Variants in AFF3 observed in about 807,000 individuals in gnomAD.
The protein encoded by AFF3 is AF4/FMR2 family member 3.
A neutral mutation model predicts 129.7 loss-of-function variants in AFF3; 32 were observed. The observed-to-expected ratio is 0.25, with a 90% CI of 0.19 to 0.33. The LOEUF is 0.33. Ranked by LOEUF, AFF3 falls within the 10% of genes least tolerant of loss-of-function variation. The probability of loss-of-function intolerance (pLI) is 1.00; values close to 1 mark genes in which losing one functional copy is unlikely to be tolerated. For synonymous variants in AFF3, 644 were observed against 635.4 expected, an observed-to-expected ratio of 1.01 and a Z score of -0.20; for missense variants, 1,373 against 1,592.0, an observed-to-expected ratio of 0.86 and a Z score of 2.34.
intron 9 of AFF3, among the ~76,000 whole-genome samples, chr2:99,745,295 C>T (rs1681063684): frequency 1.3e-5 from 2 of 152,122 alleles, no homozygotes; most frequent in African/African-American, 2.4e-5. Context: ...TTATGATTTG[C>T]AGTATTTCCT....
intron 7 of AFF3, among the ~76,000 whole-genome samples, chr2:99,904,230 T>G (rs145130539): frequency 8.7e-4 from 132 of 152,238 alleles, no homozygotes; most frequent in African/African-American, 3.0e-3. Context: ...GTCTCCTCTG[T>G]GCCCAATACA....
At chr2:99,626,044 G>A (rs1682507527) in intron 13 of AFF3, among the ~76,000 whole-genome samples, 1 of 152,224 alleles carries the variant, frequency 6.6e-6, no homozygotes, top group South Asian at 2.1e-4. Context: ...TTACTGAAGG[G>A]TCTTCAGTTC....
chr2:99,828,144 G>T (rs1373609923), intron 8 of AFF3, among the ~76,000 whole-genome samples: 5 of 152,052 alleles, frequency 3.3e-5, no homozygotes, highest in African/African-American at 1.2e-4. Context: ...GTATCTCTGT[G>T]GTATTAGAAT....
At chr2:99,654,809 A>C (rs1685601352) in intron 12 of AFF3, among the ~76,000 whole-genome samples, 1 of 152,162 alleles carries the variant, frequency 6.6e-6, no homozygotes, top group South Asian at 2.1e-4. Flanking sequence ...AAGAGATGAC[A>C]TATTTTCTCT....
chr2:99,963,610 ATAGATGTAC>A (rs1306461388), intron 7 of AFF3, among the ~76,000 whole-genome samples: 2 of 151,850 alleles, frequency 1.3e-5, no homozygotes, highest in Non-Finnish European at 1.5e-5. Context: ...AAGTATACAA[ATAGATGTAC>A]TAAAAAACAA....
intron 19 of AFF3, 73 bp from the exon 20 acceptor site, chr2:99,565,696 A>G (rs1675895421): frequency 6.5e-7 from 1 of 1,530,564 alleles, no homozygotes. Context: ...TGTAGTTTAT[A>G]CACCTTATTT....
At chr2:99,820,101 C>T (rs1399158871) in intron 8 of AFF3, among the ~76,000 whole-genome samples, 1 of 152,178 alleles carries the variant, frequency 6.6e-6, no homozygotes, top group East Asian at 1.9e-4. Flanking sequence ...AAGGCACAGT[C>T]ATGCATCGCT....
intron 4 of AFF3, among the ~76,000 whole-genome samples, chr2:100,063,070 G>A (rs1434936798): frequency 6.6e-6 from 1 of 152,088 alleles, no homozygotes; most frequent in Non-Finnish European, 1.5e-5. Flanking sequence ...GGCCAACATG[G>A]TGAAACCCCG....
At chr2:99,671,108 C>T (rs1687106649) in intron 12 of AFF3, among the ~76,000 whole-genome samples, 1 of 152,002 alleles carries the variant, frequency 6.6e-6, no homozygotes, top group African/African-American at 2.4e-5. Context: ...GTCTGTGAAC[C>T]CTTTTTCTAA....
At position 100,040,886 on chromosome 2, in the gene AFF3, T is replaced by A. The variant is rs144756519; in HGVS notation, c.54-31954A>T. 4.1e-4 allele frequency among the ~76,000 whole-genome samples: 63 copies of A among 152,330 alleles called. 3 individuals are homozygous for A. The East Asian group carries it at 0.011, about 26-fold the overall frequency. ...CCCTCCAAGGAGGCCACAGGGCATA[T>A]CATCCAGGTGGGTCAGGTGGCACTG... On this transcript the variant is annotated intron_variant, in intron 4 of 24. Coordinates refer to ENST00000672756, the MANE Select transcript of AFF3 (RefSeq NM_001386135.1).
intron 13 of AFF3, among the ~76,000 whole-genome samples, chr2:99,615,772 T>G (rs1043328754): frequency 1.3e-5 from 2 of 152,124 alleles, no homozygotes; most frequent in African/African-American, 4.8e-5. Context: ...CTGCCAAGAG[T>G]GAGCAGGCTG....
intron 11 of AFF3, among the ~76,000 whole-genome samples, chr2:99,688,188 T>A (rs1434736299): frequency 6.6e-6 from 1 of 152,192 alleles, no homozygotes; most frequent in Non-Finnish European, 1.5e-5. Flanking sequence ...GCTTTCTTGC[T>A]TTGGATTATA....
intron 11 of AFF3, among the ~76,000 whole-genome samples, chr2:99,720,196 A>C (rs1255568084): frequency 3.3e-5 from 5 of 152,064 alleles, no homozygotes; most frequent in Non-Finnish European, 5.9e-5. Context: ...TCTCCATCAA[A>C]TCTCATGTTG....
chr2:100,112,750 C>T (rs548896079), intron 2 of AFF3, among the ~76,000 whole-genome samples: 3 of 152,142 alleles, frequency 2.0e-5, no homozygotes, highest in African/African-American at 4.8e-5. Context: ...AGCCCAAGGT[C>T]GTGAGAGGAG....
chr2:99,907,690 G>A lies in AFF3; in HGVS notation c.874-70166C>T, dbSNP rs569641881. On this transcript the variant is annotated intron_variant, in intron 7 of 24. Transcript: ENST00000672756. ...GTCTCACCCTGTCACCCAGGCTGGA[G>A]TACAATGGCACGATCCCAGCTTACT... Among the ~76,000 whole-genome samples the A allele has an allele frequency of 1.2e-4, 19 of 152,060 alleles. 1 individual carries two copies. The South Asian group carries it at 3.8e-3, about 30-fold the overall frequency.
intron 4 of AFF3, among the ~76,000 whole-genome samples, chr2:100,036,564 T>C (rs1400062415): frequency 7.0e-6 from 1 of 142,540 alleles, no homozygotes; most frequent in Non-Finnish European, 1.5e-5. Context: ...TTCTTAATCA[T>C]TAAAGCAATG....
intron 7 of AFF3, among the ~76,000 whole-genome samples, chr2:99,981,252 A>G (rs989858774): frequency 6.6e-6 from 1 of 152,178 alleles, no homozygotes; most frequent in Non-Finnish European, 1.5e-5. Context: ...TCCCAACCTC[A>G]GGTGATCCGC....
rs527710144 is a variant in AFF3, at chr2:99,605,569, C to CT, written c.1185-3949dup. Among the ~76,000 whole-genome samples the CT allele has an allele frequency of 4.1e-3, 622 of 152,322 alleles. 6 individuals are homozygous for CT. The highest frequency in any genetic ancestry group is 6.9e-3 in the Non-Finnish European group (472 of 68,032). On this transcript the variant is annotated intron_variant, in intron 13 of 24. Coordinates refer to ENST00000672756, the MANE Select transcript of AFF3 (RefSeq NM_001386135.1). ...CTCCCACCACGGGTGCTTGCAGCTGCTTTACCCATCGTGGGGCAGCTGCAG... is the reference window on the plus strand; with the variant it reads ...CTCCCACCACGGGTGCTTGCAGCTGCTTTTACCCATCGTGGGGCAGCTGCAG...
chr2:100,047,208 T>TGAGC (rs1483984157), intron 4 of AFF3, among the ~76,000 whole-genome samples: 1 of 152,264 alleles, frequency 6.6e-6, no homozygotes, highest in Non-Finnish European at 1.5e-5. Flanking sequence ...TGAGCAGTGC[T>TGAGC]GAGCCACATG....
Sources: allele counts gnomAD v4.1 joint callset (sites outside exome capture counted in the v4.1 genomes callset), GRCh38; gene constraint gnomAD v4.1.1; transcripts MANE v1.5; gene names NCBI Gene and HGNC (gene_info 2026-07-23, HGNC 2026-07-21).